MAP3K13: variants seen among roughly 807,000 people sequenced by gnomAD.
The protein encoded by MAP3K13 is mitogen-activated protein kinase kinase kinase 13.
In MAP3K13, 52 loss-of-function variants were observed where a neutral mutation model predicts 104.0. The ratio of observed to expected loss-of-function variants is 0.50; its 90% CI spans 0.40 to 0.63. MAP3K13 has a LOEUF of 0.63. Among genes scored for constraint, MAP3K13 ranks in the 20% least tolerant of loss-of-function variants. The probability of loss-of-function intolerance (pLI) is 0.00; values close to 1 mark genes in which losing one functional copy is unlikely to be tolerated. For synonymous variants in MAP3K13, 394 were observed against 442.2 expected, an observed-to-expected ratio of 0.89 and a Z score of 1.37; for missense variants, 914 against 1,218.5, an observed-to-expected ratio of 0.75 and a Z score of 3.72.
chr3:185,314,340 G>A (rs2108688744), intron 2 of MAP3K13, among the ~76,000 whole-genome samples: 1 of 152,282 alleles, frequency 6.6e-6, no homozygotes, highest in Non-Finnish European at 1.5e-5. Flanking sequence ...TTCTGACTGG[G>A]GGCAGTGGCT....
At chr3:185,438,310 GAAGA>G (rs3076249) in intron 3 of MAP3K13, among the ~76,000 whole-genome samples, 115 of 150,044 alleles carry the variant, frequency 7.7e-4, no homozygotes, top group African/African-American at 2.1e-3. Flanking sequence ...AGGAAAGAAA[GAAGA>G]AAGAAAGAAA....
intron 1 of MAP3K13, among the ~76,000 whole-genome samples, chr3:185,368,086 A>G (rs1723977427): frequency 6.6e-6 from 1 of 152,180 alleles, no homozygotes; most frequent in Non-Finnish European, 1.5e-5. Flanking sequence ...GCTTGAACCC[A>G]GGAGGCAGAG....
upstream of MAP3K13, among the ~76,000 whole-genome samples, chr3:185,360,818 C>CTTTT (rs532196266): frequency 4.7e-4 from 37 of 78,098 alleles, 1 homozygote; most frequent in African/African-American, 1.4e-3. Context: ...ACAGCTTTAG[C>CTTTT]TTTTTTTTTT....
intron 7 of MAP3K13, among the ~76,000 whole-genome samples, chr3:185,452,936 G>A (rs1030581565): frequency 2.0e-5 from 3 of 152,126 alleles, no homozygotes; most frequent in African/African-American, 4.8e-5. Flanking sequence ...CCAGATTCTC[G>A]GGATTGAGAA....
chr3:185,453,923 CAT>C (rs1255217295), intron 7 of MAP3K13, among the ~76,000 whole-genome samples: 1 of 39,310 alleles, frequency 2.5e-5, no homozygotes, highest in African/African-American at 7.0e-5. Flanking sequence ...ATATGTGATA[CAT>C]ATATATGAGA....
At chr3:185,425,132 T>G (rs781509226) in intron 1 of MAP3K13, among the ~76,000 whole-genome samples, 3 of 152,256 alleles carry the variant, frequency 2.0e-5, no homozygotes, top group Non-Finnish European at 4.4e-5. Context: ...CTTCTGCCCC[T>G]GTGATAAATG....
intron 2 of MAP3K13, chr3:185,285,780 T>A: frequency 1.6e-6 from 1 of 645,034 alleles, no homozygotes. Flanking sequence ...CAAAGAGAGG[T>A]TTGTTTTGTA....
In MAP3K13 at chr3:185,455,145, ATG is replaced by A. The variant is rs1264347505; in HGVS notation, c.1278+3753_1278+3754del. 4.7e-4 allele frequency among the ~76,000 whole-genome samples: 46 copies of A among 98,546 alleles called. 2 individuals carry two copies. Among genetic ancestry groups the A allele is most frequent in the African/African-American group, 1.2e-3 (34 of 28,838 alleles). The allele number at this position is 98,546 out of a possible 152,430, so 64.7% of individuals were successfully genotyped here. A position where few individuals can be genotyped will look rare whatever the true frequency, so the allele number is the denominator to read the frequency against. ...TATGTGAGATATATATATGATATAT[ATG>A]TGAGATATATATGATATATATGAGA... On this transcript the variant is annotated intron_variant, in intron 7 of 13. Transcript: ENST00000265026.
At chr3:185,407,549 T>C (rs185310185) in intron 1 of MAP3K13, among the ~76,000 whole-genome samples, 17 of 152,306 alleles carry the variant, frequency 1.1e-4, no homozygotes, top group African/African-American at 4.1e-4. Context: ...TTTGACAAAG[T>C]ATCAGGAAAA....
intron 1 of MAP3K13, among the ~76,000 whole-genome samples, chr3:185,367,109 A>G (rs758531738): frequency 6.6e-6 from 1 of 152,192 alleles, no homozygotes. Context: ...TGTGTGTGCT[A>G]TAAAGACAGG....
rs1011066220 is a variant in MAP3K13 at position 185,484,099 on chromosome 3, A to G, written c.*1643A>G. On this transcript the variant is annotated 3_prime_UTR_variant, in exon 14 of 14. Transcript: ENST00000265026. ...CAAAAGGCAACTCCTCTCCCAGCAC[A>G]ATAGCATTTTTGTTCAATGCTACTT... 1 of 152,212 alleles carries G rather than the reference A, an allele frequency of 6.6e-6. No homozygotes were observed. Among genetic ancestry groups the G allele is most frequent in the African/African-American group, 2.4e-5 (1 of 41,444 alleles). 9.4% of individuals were successfully genotyped at this position (152,212 alleles called of 1,614,324 possible).
chr3:185,285,579 C>T (rs770533164), exon 2 of MAP3K13: 1 of 1,527,924 alleles, frequency 6.5e-7, no homozygotes, highest in South Asian at 1.2e-5. Context: ...ACCCACGGAC[C>T]ATTAATGGAC....
In MAP3K13 at chr3:185,484,932, G is replaced by A. The variant is rs1158263865; in HGVS notation, c.*2476G>A. 1 of 152,144 alleles carries A rather than the reference G, an allele frequency of 6.6e-6. No homozygotes were observed. The highest frequency in any genetic ancestry group is 1.5e-5 in the Non-Finnish European group (1 of 68,030). The allele number at this position is 152,144 out of a possible 1,614,324, so 9.4% of individuals were successfully genotyped here. ...ATGAAAATGGAATTCCCATTTGGGA[G>A]CTCCCTGGTATTGATCTTAGCTGTG... is the stretch of plus-strand genomic sequence containing the variant. On this transcript the variant is annotated 3_prime_UTR_variant, in exon 14 of 14. Transcript: ENST00000265026.
At chr3:185,313,259 A>G (rs1721556133) in intron 2 of MAP3K13, among the ~76,000 whole-genome samples, 1 of 143,944 alleles carries the variant, frequency 6.9e-6, no homozygotes, top group African/African-American at 2.5e-5. Flanking sequence ...AAAAATGAAC[A>G]ATAGTACAAG....
At chr3:185,353,540 A>C (rs957949652) in intron 2 of MAP3K13, among the ~76,000 whole-genome samples, 1 of 152,232 alleles carries the variant, frequency 6.6e-6, no homozygotes, top group Non-Finnish European at 1.5e-5. Flanking sequence ...AAAAATCTTT[A>C]GGCCAAACTT....
chr3:185,298,879 G>T (rs1721005208), intron 2 of MAP3K13, among the ~76,000 whole-genome samples: 1 of 152,190 alleles, frequency 6.6e-6, no homozygotes, highest in Non-Finnish European at 1.5e-5. Context: ...AACTGCAAGA[G>T]ATTTTGTAAG....
At chr3:185,424,802 T>C (rs1222693181) in intron 1 of MAP3K13, among the ~76,000 whole-genome samples, 1 of 152,186 alleles carries the variant, frequency 6.6e-6, no homozygotes, top group Non-Finnish European at 1.5e-5. Flanking sequence ...TCTAGGCTAG[T>C]GCATGGCACA....
intron 1 of MAP3K13, among the ~76,000 whole-genome samples, chr3:185,284,252 A>C (rs937559115): frequency 1.4e-4 from 21 of 150,912 alleles, no homozygotes; most frequent in African/African-American, 5.2e-4. Context: ...AATATATCTT[A>C]TATTTTCCAT....
chr3:185,329,349 T>TA (rs1272675367), intron 2 of MAP3K13: 4 of 659,344 alleles, frequency 6.1e-6, no homozygotes, highest in Non-Finnish European at 1.1e-5. Flanking sequence ...GATTCATAGT[T>TA]ACAGATTCAT....
Sources: allele counts gnomAD v4.1 joint callset (sites outside exome capture counted in the v4.1 genomes callset), GRCh38; gene constraint gnomAD v4.1.1; transcripts MANE v1.5; gene names NCBI Gene and HGNC (gene_info 2026-07-23, HGNC 2026-07-21).